Variants in IL2RA observed in about 807,000 individuals in gnomAD.
IL2RA encodes the protein interleukin-2 receptor subunit alpha.
A neutral mutation model predicts 37.8 loss-of-function variants in IL2RA; 24 were observed. That is an observed-to-expected ratio of 0.63 (90% CI 0.46 to 0.89). The LOEUF is 0.89. Ranked by LOEUF, IL2RA falls within the 40% of genes least tolerant of loss-of-function variation. The pLI is 0.00. For synonymous variants in IL2RA, 125 were observed against 114.6 expected (o/e 1.09, Z -0.58); for missense variants, 319 against 348.6 (o/e 0.92, Z 0.68).
At chr10:6,043,821 C>G (rs1440050947) in intron 1 of IL2RA, among the ~76,000 whole-genome samples, 1 of 152,210 alleles carries the variant, frequency 6.6e-6, no homozygotes, top group Admixed American at 6.5e-5. Context: ...ATGATGGGCA[C>G]ATGTTGGTTA....
rs1840130800 is a variant in IL2RA, at chr10:6,062,126, C to A, written c.26G>T (p.Gly9Val). The A allele has an allele frequency of 1.2e-6, 2 of 1,614,026 alleles. No homozygotes were observed. Among genetic ancestry groups the A allele is most frequent in the African/African-American group, 2.7e-5 (2 of 75,062 alleles). MDSYLLMW[G>V]LLTFIMVPGC... ...AGGCACCATGATGAACGTGAGCAGTCCCCACATCAGCAGGTATGAATCCAT... is the reference window on the plus strand; with the variant it reads ...AGGCACCATGATGAACGTGAGCAGTACCCACATCAGCAGGTATGAATCCAT... The change falls in exon 1 of 8, where the codon GGA becomes GTA. Residue 9 changes from glycine (G) to valine (V), a missense_variant. By Grantham distance (109) the Gly-to-Val change is moderately radical. Transcript: ENST00000379959.
chr10:6,032,493 C>T (rs1355020122), intron 1 of IL2RA, among the ~76,000 whole-genome samples: 1 of 151,726 alleles, frequency 6.6e-6, no homozygotes, highest in Non-Finnish European at 1.5e-5. Context: ...GAGATGGAGA[C>T]CATCCTGGCT....
intron 3 of IL2RA, among the ~76,000 whole-genome samples, chr10:6,023,120 C>A (rs538414171): frequency 6.6e-6 from 1 of 152,306 alleles, no homozygotes; most frequent in South Asian, 2.1e-4. Context: ...TTAACCAAAT[C>A]TTTTTATCTT....
rs1043043629 is a variant in IL2RA at position 6,032,932 on chromosome 10, A to G, written c.65-6907T>C. 6.6e-5 allele frequency among the ~76,000 whole-genome samples: 10 copies of G among 152,338 alleles called. No homozygotes were observed. In the South Asian group the frequency reaches 2.1e-3, roughly 32 times the overall value. ...TAACATCAGATATCAATAAAATGCA[A>G]GTTGAAAACAATGATGAGATAGCCC... is the stretch of plus-strand genomic sequence containing the variant. On this transcript the variant is annotated intron_variant, in intron 1 of 7. Coordinates refer to ENST00000379959, the MANE Select transcript of IL2RA (RefSeq NM_000417.3).
rs1247041104 is a variant in IL2RA at position 6,029,832 on chromosome 10, A to G, written c.65-3807T>C. Among the ~76,000 whole-genome samples, 1 of 152,024 alleles carries G rather than the reference A, an allele frequency of 6.6e-6. No individual in the cohort carries two copies. The highest frequency in any genetic ancestry group is 6.6e-5 in the Admixed American group (1 of 15,264). On this transcript the variant is annotated intron_variant, in intron 1 of 7. Coordinates refer to ENST00000379959, the MANE Select transcript of IL2RA (RefSeq NM_000417.3). The surrounding 1 kb of genome is among the most constrained non-coding windows in gnomAD (Gnocchi z 4.6). ...TGATTCTTCTGCCTCAGCCTCCCAAATAGCTTGGATTACGGGCACATGCCA... is the reference window on the plus strand; with the variant it reads ...TGATTCTTCTGCCTCAGCCTCCCAAGTAGCTTGGATTACGGGCACATGCCA...
At chr10:6,024,099 CT>C in intron 3 of IL2RA, 144 bp downstream of exon 3, 1 of 691,392 alleles carries the variant, frequency 1.4e-6, no homozygotes, top group South Asian at 1.6e-5. Context: ...TAATTCTTGT[CT>C]GCAATGATGT....
rs1039998826 is a variant in IL2RA, at chr10:6,036,423, G to A, written c.65-10398C>T. 6.6e-6 allele frequency: 1 copy of A among 152,180 alleles called. No individual in the cohort carries two copies. The highest frequency in any genetic ancestry group is 1.5e-5 in the Non-Finnish European group (1 of 68,042). 9.4% of individuals were successfully genotyped at this position (152,180 alleles called of 1,614,324 possible). A position where few individuals can be genotyped will look rare whatever the true frequency, so the allele number is the denominator to read the frequency against. Reference sequence around the variant, plus strand: ...AAAGACGAGGAACTTGGTGAAATGAGGTGGTCTTTGCCTTCCGCGTCACTC... The same window carrying A: ...AAAGACGAGGAACTTGGTGAAATGAAGTGGTCTTTGCCTTCCGCGTCACTC... On this transcript the variant is annotated intron_variant, in intron 1 of 7. Coordinates refer to ENST00000379959, the MANE Select transcript of IL2RA (RefSeq NM_000417.3). This position sits in a 1 kb window ranked among gnomAD's most constrained non-coding sequence, Gnocchi z 6.1.
rs554680869 is a variant in IL2RA, at chr10:6,018,070, G to A, written c.777C>T (p.Leu259=). 6 of 1,613,816 alleles carry A rather than the reference G, an allele frequency of 3.7e-6. No homozygotes were observed. The highest frequency in any genetic ancestry group is 1.7e-5 in the Admixed American group (1 of 59,992). ...ACACTTACTGTCTCCGCTGCCAGGTGAGCCCACTCAGGAGGAGGACGCTGA... is the reference window on the plus strand; with the variant it reads ...ACACTTACTGTCTCCGCTGCCAGGTAAGCCCACTCAGGAGGAGGACGCTGA... ...LLISVLLLSG[L]TWQRRQRKSR... The change falls in exon 7 of 8, where the codon CTC becomes CTT. Residue 259 remains leucine (L), a synonymous_variant. Coordinates refer to ENST00000379959, the MANE Select transcript of IL2RA (RefSeq NM_000417.3). The surrounding 1 kb of genome is among the most constrained non-coding windows in gnomAD (Gnocchi z 5.1).
intron 1 of IL2RA, among the ~76,000 whole-genome samples, chr10:6,050,738 G>A (rs1428570186): frequency 2.6e-5 from 4 of 152,228 alleles, no homozygotes; most frequent in South Asian, 2.1e-4. Context: ...AGCAGAGCAC[G>A]CAGCAAGGCC....
chr10:6,029,128 TTTTATTTATTTATTTATTTA>T lies in IL2RA; in HGVS notation c.65-3123_65-3104del, dbSNP rs199788056. On this transcript the variant is annotated intron_variant, in intron 1 of 7. Transcript: ENST00000379959. This position sits in a 1 kb window ranked among gnomAD's most constrained non-coding sequence, Gnocchi z 4.6. ...TGACCTGCAGATTTGCTGCCATTTA[TTTTATTTATTTATTTATTTA>T]TTTATTTATTTATTTATTTATTTAT... 0.066 allele frequency among the ~76,000 whole-genome samples: 9,339 copies of T among 140,806 alleles called. 441 individuals are homozygous for T. The highest frequency in any genetic ancestry group is 0.13 in the African/African-American group (5,100 of 37,860). The allele number at this position is 140,806 out of a possible 152,430, so 92.4% of individuals were successfully genotyped here.
chr10:6,034,442 A>G (rs1017274737), intron 1 of IL2RA, among the ~76,000 whole-genome samples: 5 of 150,078 alleles, frequency 3.3e-5, no homozygotes, highest in Admixed American at 6.6e-5. Flanking sequence ...TAAATTTGGG[A>G]TTTTTTTTTT....
intron 1 of IL2RA, among the ~76,000 whole-genome samples, chr10:6,045,822 A>G (rs1426362930): frequency 6.6e-6 from 1 of 152,222 alleles, no homozygotes; most frequent in Non-Finnish European, 1.5e-5. Context: ...GAGACTGTAA[A>G]GAAACACAGA....
At chr10:6,030,149 A>C (rs1839553249) in intron 1 of IL2RA, among the ~76,000 whole-genome samples, 1 of 152,256 alleles carries the variant, frequency 6.6e-6, no homozygotes, top group African/African-American at 2.4e-5. Flanking sequence ...GCATGCTGTA[A>C]GACAATATTA....
rs182825697 is a variant in IL2RA, at chr10:6,053,670, T to A, written c.64+8418A>T. Among the ~76,000 whole-genome samples the A allele has an allele frequency of 1.4e-4, 21 of 152,302 alleles. No homozygotes were observed. In the East Asian group the frequency reaches 4.1e-3, roughly 29 times the overall value. ...CCTTATTTAAAATTAATTATCATTT[T>A]AAAAAATAGAGGTGGGGTCTCACTA... On this transcript the variant is annotated intron_variant, in intron 1 of 7. Transcript: ENST00000379959.
rs1248466823 is a variant in IL2RA, at chr10:6,028,553, A to C, written c.65-2528T>G. Among the ~76,000 whole-genome samples, 1 of 152,244 alleles carries C rather than the reference A, an allele frequency of 6.6e-6. No individual in the cohort carries two copies. The highest frequency in any genetic ancestry group is 1.5e-5 in the Non-Finnish European group (1 of 68,046). On this transcript the variant is annotated intron_variant, in intron 1 of 7. Coordinates refer to ENST00000379959, the MANE Select transcript of IL2RA (RefSeq NM_000417.3). The surrounding 1 kb of genome is among the most constrained non-coding windows in gnomAD (Gnocchi z 4.1). Reference sequence around the variant, plus strand: ...AGTCATTTAACTGCCTGGCAGAGCAAAATGCATTACCTTTTAAAGGACCAT... The same window carrying C: ...AGTCATTTAACTGCCTGGCAGAGCACAATGCATTACCTTTTAAAGGACCAT...
rs995688073 is a variant in IL2RA at position 6,062,209 on chromosome 10, G to T, written c.-58C>A. ...AAGCGGAGGTCTTTCTCTGCAGAAG[G>T]CCCAGTTGCCGTCAGCCTCTTTTTG... On this transcript the variant is annotated 5_prime_UTR_variant, in exon 1 of 8. Coordinates refer to ENST00000379959, the MANE Select transcript of IL2RA (RefSeq NM_000417.3). 8.3e-6 allele frequency: 12 copies of T among 1,450,622 alleles called. No homozygotes were observed. The highest frequency in any genetic ancestry group is 1.4e-5 in the African/African-American group (1 of 71,754). 89.9% of individuals were successfully genotyped at this position (1,450,622 alleles called of 1,614,324 possible).
chr10:6,024,513 C>T (rs1333762463), intron 2 of IL2RA, among the ~76,000 whole-genome samples, 159 bp from the exon 3 acceptor site: 1 of 152,174 alleles, frequency 6.6e-6, no homozygotes, highest in South Asian at 2.1e-4. Flanking sequence ...CCAGAGTATG[C>T]CCTCCCAGCA....
chr10:6,015,053 T>G lies in IL2RA; in HGVS notation c.795-2157A>C, dbSNP rs1290956727. Among the ~76,000 whole-genome samples the G allele has an allele frequency of 6.6e-6, 1 of 151,856 alleles. No homozygotes were observed. The highest frequency in any genetic ancestry group is 1.5e-5 in the Non-Finnish European group (1 of 67,970). ...AATCAAGAGAGAGACAGAGGGAGTT[T>G]CTAGAGTTTACTTTTTCTTTTTCTT... On this transcript the variant is annotated intron_variant, in intron 7 of 7. Transcript: ENST00000379959. This position sits in a 1 kb window ranked among gnomAD's most constrained non-coding sequence, Gnocchi z 4.9.
intron 1 of IL2RA, among the ~76,000 whole-genome samples, chr10:6,038,089 A>G (rs1336228558): frequency 6.6e-6 from 1 of 152,228 alleles, no homozygotes; most frequent in Admixed American, 6.5e-5. Context: ...GCCAACCTCT[A>G]CATTTTATAG....
Sources: gnomAD v4.1 joint callset for allele counts (sites outside exome capture counted in the v4.1 genomes callset) on GRCh38, gnomAD v4.1.1 for gene constraint, Gnocchi (gnomAD v3.1) non-coding constraint, MANE v1.5 for transcripts, NCBI Gene and HGNC (gene_info 2026-07-23, HGNC 2026-07-21) for gene names.